PLD5: variants seen among roughly 807,000 people sequenced by gnomAD.
PLD5 encodes the protein phospholipase D family member 5.
A neutral mutation model predicts 61.1 loss-of-function variants in PLD5; 36 were observed. The ratio of observed to expected loss-of-function variants is 0.59; its 90% CI spans 0.45 to 0.78. The LOEUF is 0.78. Ranked by LOEUF, PLD5 falls within the 30% of genes least tolerant of loss-of-function variation. The pLI is 0.00. For synonymous variants in PLD5, 243 were observed against 242.8 expected (o/e 1.00, Z -0.01); for missense variants, 515 against 644.4 (o/e 0.80, Z 2.17).
intron 1 of PLD5, among the ~76,000 whole-genome samples, chr1:242,442,976 G>A (rs1011524875): frequency 2.0e-5 from 3 of 152,150 alleles, no homozygotes; most frequent in South Asian, 4.1e-4. Flanking sequence ...AAAAACTGGG[G>A]AAGTCCTAGG....
chr1:242,126,086 A>G (rs1248941066), intron 5 of PLD5, among the ~76,000 whole-genome samples: 1 of 152,214 alleles, frequency 6.6e-6, no homozygotes, highest in Non-Finnish European at 1.5e-5. Flanking sequence ...CAGGTAGGGC[A>G]TATCAGGCAT....
intron 1 of PLD5, among the ~76,000 whole-genome samples, chr1:242,413,978 T>G (rs187065946): frequency 2.6e-5 from 4 of 152,240 alleles, no homozygotes; most frequent in Admixed American, 1.3e-4. Context: ...CAGGTCAGCT[T>G]ACTATTTTAA....
intron 6 of PLD5, among the ~76,000 whole-genome samples, chr1:242,122,274 G>A (rs1051462059): frequency 4.6e-5 from 7 of 152,062 alleles, no homozygotes; most frequent in African/African-American, 1.7e-4. Context: ...AAATACATTA[G>A]CTTTAAAATC....
At chr1:242,379,252 T>C (rs1002698638) in intron 1 of PLD5, among the ~76,000 whole-genome samples, 1 of 152,144 alleles carries the variant, frequency 6.6e-6, no homozygotes, top group East Asian at 1.9e-4. Flanking sequence ...GTAAAATCTA[T>C]GTTCTTAGTT....
chr1:242,387,794 C>T (rs572287629), intron 1 of PLD5, among the ~76,000 whole-genome samples: 74 of 150,068 alleles, frequency 4.9e-4, no homozygotes, highest in Non-Finnish European at 7.2e-4. Flanking sequence ...AAGCTGTTTA[C>T]AGGAATTAGA....
chr1:242,393,627 AGTATATATATGT>A (rs1239530708), intron 1 of PLD5, among the ~76,000 whole-genome samples: 1 of 77,946 alleles, frequency 1.3e-5, no homozygotes, highest in Non-Finnish European at 2.6e-5. Flanking sequence ...TATATATATG[AGTATATATATGT>A]GTATATATAT....
At chr1:242,095,277 G>C (rs1265970724) in intron 9 of PLD5, among the ~76,000 whole-genome samples, 2 of 152,128 alleles carry the variant, frequency 1.3e-5, no homozygotes, top group East Asian at 3.9e-4. Context: ...GTCTTCCCCA[G>C]GCTGGAGTGC....
chr1:242,481,566 T>G (rs1296769080), intron 1 of PLD5, among the ~76,000 whole-genome samples: 1 of 152,148 alleles, frequency 6.6e-6, no homozygotes, highest in Non-Finnish European at 1.5e-5. Flanking sequence ...GCTGGGAAGC[T>G]CGAACTGGGT....
intron 1 of PLD5, among the ~76,000 whole-genome samples, chr1:242,416,175 T>G (rs557914754): frequency 1.3e-5 from 2 of 152,134 alleles, no homozygotes; most frequent in African/African-American, 4.8e-5. Flanking sequence ...ATATATAATT[T>G]TCATTGTTGT....
At chr1:242,255,316 A>C (rs985783611) in intron 4 of PLD5, among the ~76,000 whole-genome samples, 1 of 152,224 alleles carries the variant, frequency 6.6e-6, no homozygotes, top group Non-Finnish European at 1.5e-5. Context: ...TAGCACACAC[A>C]GGCATACATA....
At chr1:242,129,653 A>C (rs1325150326) in intron 5 of PLD5, among the ~76,000 whole-genome samples, 1 of 152,224 alleles carries the variant, frequency 6.6e-6, no homozygotes, top group African/African-American at 2.4e-5. Flanking sequence ...CTTAATTTTT[A>C]AAAATGAACT....
intron 1 of PLD5, among the ~76,000 whole-genome samples, chr1:242,466,869 C>G (rs906745105): frequency 2.7e-5 from 4 of 148,034 alleles, no homozygotes; most frequent in Middle Eastern, 3.5e-3. Context: ...CTCCAGCCTG[C>G]GGTACAGAGT....
At chr1:242,428,399 T>C (rs137953455) in intron 1 of PLD5, among the ~76,000 whole-genome samples, 1 of 152,356 alleles carries the variant, frequency 6.6e-6, no homozygotes, top group East Asian at 1.9e-4. Context: ...CAATATTTAT[T>C]CTAAAACAGA....
intron 4 of PLD5, among the ~76,000 whole-genome samples, chr1:242,258,668 G>A (rs1049070865): frequency 1.3e-5 from 2 of 152,264 alleles, no homozygotes; most frequent in East Asian, 1.9e-4. Context: ...ACCCTTTGAG[G>A]AAAGAATACA....
intron 1 of PLD5, among the ~76,000 whole-genome samples, chr1:242,408,385 T>C (rs960682677): frequency 2.0e-5 from 3 of 152,210 alleles, no homozygotes; most frequent in African/African-American, 7.2e-5. Context: ...GGTTGAAATG[T>C]GATTCCTGAT....
rs982628306 is a variant in PLD5 at position 242,212,726 on chromosome 1, C to T, written c.735+7262G>A. Among the ~76,000 whole-genome samples, 8 of 152,332 alleles carry T rather than the reference C, an allele frequency of 5.3e-5. No individual in the cohort carries two copies. In the East Asian group the frequency reaches 9.6e-4, roughly 18 times the overall value. ...CTGCCTGCTCAGCTCTCCAGCTCTC[C>T]GGCCTGTGGCAAAATTTTGTGTGCT... On this transcript the variant is annotated intron_variant, in intron 5 of 9. Coordinates refer to ENST00000536534, the MANE Select transcript of PLD5 (RefSeq NM_001372062.1).
chr1:242,088,259 T>C lies in PLD5; in HGVS notation c.*1595A>G, dbSNP rs995924534. 5 of 152,306 alleles carry C rather than the reference T, an allele frequency of 3.3e-5. No individual in the cohort carries two copies. The highest frequency in any genetic ancestry group is 1.2e-4 in the African/African-American group (5 of 41,564). 9.4% of individuals were successfully genotyped at this position (152,306 alleles called of 1,614,324 possible). A position where few individuals can be genotyped will look rare whatever the true frequency, so the allele number is the denominator to read the frequency against. Reference sequence around the variant, plus strand: ...CATGCCAAAGCAGCCCAACGCAATGTTCTATTGAAATGTTGACAATCCAGA... The same window carrying C: ...CATGCCAAAGCAGCCCAACGCAATGCTCTATTGAAATGTTGACAATCCAGA... On this transcript the variant is annotated 3_prime_UTR_variant, in exon 10 of 10. Transcript: ENST00000536534.
intron 2 of PLD5, among the ~76,000 whole-genome samples, chr1:242,323,650 G>T (rs1459009417): frequency 1.3e-5 from 2 of 152,204 alleles, no homozygotes; most frequent in Non-Finnish European, 2.9e-5. Flanking sequence ...CATAGGAACT[G>T]CTGCCCCCAT....
intron 2 of PLD5, among the ~76,000 whole-genome samples, chr1:242,323,648 C>T (rs929750745): frequency 3.9e-5 from 6 of 152,244 alleles, no homozygotes; most frequent in African/African-American, 1.4e-4. Context: ...TGCATAGGAA[C>T]TGCTGCCCCC....
Sources: allele counts gnomAD v4.1 joint callset (sites outside exome capture counted in the v4.1 genomes callset), GRCh38; gene constraint gnomAD v4.1.1; transcripts MANE v1.5; gene names NCBI Gene and HGNC (gene_info 2026-07-23, HGNC 2026-07-21).